The following KCNIP4 variants were observed in gnomAD, a reference collection of about 807,000 sequenced individuals.
KCNIP4 encodes Kv channel-interacting protein 4.
In KCNIP4, 12 loss-of-function variants were observed where a neutral mutation model predicts 34.0. The observed-to-expected ratio is 0.35, with a 90% CI of 0.23 to 0.57. The LOEUF (loss-of-function observed/expected upper bound fraction) is 0.57. Ranked by LOEUF, KCNIP4 falls within the 20% of genes least tolerant of loss-of-function variation. The probability of loss-of-function intolerance (pLI) is 0.83; values close to 1 mark genes in which losing one functional copy is unlikely to be tolerated. For missense variants in KCNIP4, 238 were observed against 311.7 expected (o/e 0.76, Z 1.78); for synonymous variants, 124 against 102.2 (o/e 1.21, Z -1.29).
intron 3 of KCNIP4, among the ~76,000 whole-genome samples, chr4:20,816,749 G>T (rs952183412): frequency 3.3e-5 from 5 of 152,178 alleles, no homozygotes; most frequent in African/African-American, 4.8e-5. Flanking sequence ...TGAAAGAACC[G>T]TGGAGGTTGT....
intron 1 of KCNIP4, among the ~76,000 whole-genome samples, chr4:21,313,233 A>C (rs923895159): frequency 5.1e-5 from 7 of 136,058 alleles, no homozygotes; most frequent in Non-Finnish European, 5.1e-5. Context: ...CCTGGTTAAT[A>C]AAAATCTTAG....
rs190420712 is a variant in KCNIP4 at position 21,865,128 on chromosome 4, A to T, written c.61+83443T>A. 9.6e-3 allele frequency among the ~76,000 whole-genome samples: 1,458 copies of T among 151,598 alleles called. 15 individuals are homozygous for T. The highest frequency in any genetic ancestry group is 0.032 in the South Asian group (155 of 4,808). On this transcript the variant is annotated intron_variant, in intron 1 of 8. Coordinates refer to ENST00000382152, the MANE Select transcript of KCNIP4 (RefSeq NM_025221.6). ...ACTTGAAGAATTTAAGTCAAATTTT[A>T]AAAAAAAGCTAATTGATGAGAAGAG...
intron 1 of KCNIP4, among the ~76,000 whole-genome samples, chr4:21,002,991 T>A (rs1420024007): frequency 1.3e-5 from 2 of 152,172 alleles, no homozygotes; most frequent in Non-Finnish European, 2.9e-5. Flanking sequence ...GATTTGAGTA[T>A]CATTTTCTGA....
chr4:21,557,125 G>A (rs1739130622), intron 1 of KCNIP4, among the ~76,000 whole-genome samples: 1 of 151,930 alleles, frequency 6.6e-6, no homozygotes, highest in Admixed American at 6.6e-5. Flanking sequence ...CTTACTAAAT[G>A]TGTTTCGTCA....
At chr4:21,836,493 G>A (rs745795438) in intron 1 of KCNIP4, among the ~76,000 whole-genome samples, 5 of 151,866 alleles carry the variant, frequency 3.3e-5, no homozygotes, top group South Asian at 2.1e-4. Context: ...CACTCCCTTC[G>A]ATTTATTCTA....
chr4:20,867,945 C>T (rs1723032033), intron 2 of KCNIP4, among the ~76,000 whole-genome samples: 2 of 151,836 alleles, frequency 1.3e-5, no homozygotes, highest in South Asian at 4.2e-4. Flanking sequence ...GTGCAGCACA[C>T]CAACATGACA....
At chr4:20,787,730 G>A (rs1022187740) in intron 3 of KCNIP4, among the ~76,000 whole-genome samples, 7 of 152,032 alleles carry the variant, frequency 4.6e-5, no homozygotes, top group Non-Finnish European at 1.0e-4. Context: ...TAAGATCAAT[G>A]TTAGCCATAA....
Position 21,291,868 on chromosome 4 carries a change from AAAGAAAGAAAGAAAGAAAGAAAGAAAG to A in KCNIP4, c.62-409186_62-409160del, listed in dbSNP as rs1763509008. ...GACTCCGCCTCAAAAAAAAAAAAAAAAAGAAAGAAAGAAAGAAAGAAAGAAAGAAAGAAAGAAAGAAAGAAAGAAAGA... is the reference window on the plus strand; with the variant it reads ...GACTCCGCCTCAAAAAAAAAAAAAAAAAAGAAAGAAAGAAAGAAAGAAAGA... On this transcript the variant is annotated intron_variant, in intron 1 of 8. Transcript: ENST00000382152. Among the ~76,000 whole-genome samples, 18 of 19,622 alleles carry A rather than the reference AAAGAAAGAAAGAAAGAAAGAAAGAAAG, an allele frequency of 9.2e-4. 2 individuals carry two copies. Among genetic ancestry groups the A allele is most frequent in the South Asian group, 3.4e-3 (1 of 296 alleles). The allele number at this position is 19,622 out of a possible 152,430, so 12.9% of individuals were successfully genotyped here. A position where few individuals can be genotyped will look rare whatever the true frequency, so the allele number is the denominator to read the frequency against.
At chr4:21,488,649 C>T (rs897845596) in intron 1 of KCNIP4, among the ~76,000 whole-genome samples, 7 of 151,970 alleles carry the variant, frequency 4.6e-5, no homozygotes, top group African/African-American at 1.7e-4. Context: ...AAAAATAAAA[C>T]CAATACGTCA....
intron 1 of KCNIP4, among the ~76,000 whole-genome samples, chr4:20,952,011 T>C (rs1732836466): frequency 1.3e-5 from 2 of 152,198 alleles, no homozygotes; most frequent in Admixed American, 1.3e-4. Flanking sequence ...ACATGGTGCC[T>C]AGCACAGAGT....
chr4:20,908,397 G>A, intron 1 of KCNIP4, among the ~76,000 whole-genome samples: 1 of 152,082 alleles, frequency 6.6e-6, no homozygotes, highest in East Asian at 1.9e-4. Flanking sequence ...ACCCGGCCTC[G>A]TCAGTCTTTT....
chr4:21,245,118 C>T (rs893333321), intron 1 of KCNIP4, among the ~76,000 whole-genome samples: 1 of 152,178 alleles, frequency 6.6e-6, no homozygotes, highest in African/African-American at 2.4e-5. Flanking sequence ...GCTATTTGAC[C>T]TAGGGCTGCA....
chr4:21,253,180 T>G (rs903853715), intron 1 of KCNIP4, among the ~76,000 whole-genome samples: 1 of 152,170 alleles, frequency 6.6e-6, no homozygotes, highest in Non-Finnish European at 1.5e-5. Flanking sequence ...ATTTCTTTTC[T>G]TTTTACCTGG....
intron 1 of KCNIP4, among the ~76,000 whole-genome samples, chr4:21,790,995 A>AAAAAAAAAAAT (rs1720247927): frequency 7.4e-6 from 1 of 134,454 alleles, no homozygotes; most frequent in Non-Finnish European, 1.6e-5. Context: ...AAAAAAAAAA[A>AAAAAAAAAAAT]GTTATATCTT....
intron 8 of KCNIP4, 149 bp from the exon 9 acceptor site, chr4:20,730,278 C>CATTCT: frequency 1.0e-6 from 1 of 998,116 alleles, no homozygotes; most frequent in Non-Finnish European, 1.4e-6. Context: ...ATGTAAATGC[C>CATTCT]ATTCTATTCT....
chr4:21,248,741 G>C (rs1230837293), intron 1 of KCNIP4, among the ~76,000 whole-genome samples: 2 of 152,154 alleles, frequency 1.3e-5, no homozygotes, highest in South Asian at 2.1e-4. Flanking sequence ...GACCAGAGCA[G>C]TATAAGGGCT....
Position 21,277,182 on chromosome 4 carries a change from C to A in KCNIP4, c.62-394473G>T, listed in dbSNP as rs1460122937. Among the ~76,000 whole-genome samples the A allele has an allele frequency of 2.0e-5, 3 of 152,156 alleles. No homozygotes were observed. In the East Asian group the frequency reaches 5.8e-4, roughly 29 times the overall value. ...CAGAGAAAAGATCCACAGATAGGAA[C>A]TTTTCAGGCTCTTCTGATGAAAATG... On this transcript the variant is annotated intron_variant, in intron 1 of 8. Coordinates refer to ENST00000382152, the MANE Select transcript of KCNIP4 (RefSeq NM_025221.6).
chr4:21,541,065 G>A (rs1418439414), intron 1 of KCNIP4, among the ~76,000 whole-genome samples: 3 of 151,878 alleles, frequency 2.0e-5, no homozygotes, highest in East Asian at 3.9e-4. Flanking sequence ...CAGCTACTTG[G>A]GAGGCTGAGG....
intron 1 of KCNIP4, among the ~76,000 whole-genome samples, chr4:21,179,955 C>G (rs1754722335): frequency 6.6e-6 from 1 of 152,154 alleles, no homozygotes; most frequent in Admixed American, 6.5e-5. Flanking sequence ...GAGCCCCCAT[C>G]ATGGGTCATG....
Sources: gnomAD v4.1 joint callset for allele counts (sites outside exome capture counted in the v4.1 genomes callset) on GRCh38, gnomAD v4.1.1 for gene constraint, MANE v1.5 for transcripts, NCBI Gene and HGNC (gene_info 2026-07-23, HGNC 2026-07-21) for gene names.